The following CLIC6 variants were observed in gnomAD, a reference collection of about 807,000 sequenced individuals.
CLIC6 encodes CLIC family member 6.
A neutral mutation model predicts 49.2 loss-of-function variants in CLIC6; 39 were observed. That is an observed-to-expected ratio of 0.79 (90% CI 0.61 to 1.04). The LOEUF (loss-of-function observed/expected upper bound fraction) is 1.04. Among genes scored for constraint, CLIC6 ranks in the 50% least tolerant of loss-of-function variants. The probability of loss-of-function intolerance (pLI) is 0.00; values close to 1 mark genes in which losing one functional copy is unlikely to be tolerated. For missense variants in CLIC6, 988 were observed against 993.1 expected, an observed-to-expected ratio of 0.99 and a Z score of 0.07; for synonymous variants, 446 against 433.4, an observed-to-expected ratio of 1.03 and a Z score of -0.36.
chr21:34,703,975 A>G (rs946738455), intron 1 of CLIC6, among the ~76,000 whole-genome samples: 1 of 152,212 alleles, frequency 6.6e-6, no homozygotes, highest in Non-Finnish European at 1.5e-5. Flanking sequence ...GACACTCTAC[A>G]TTCTCAAACT....
intron 5 of CLIC6, among the ~76,000 whole-genome samples, chr21:34,715,891 G>T (rs1429581247): frequency 6.6e-6 from 1 of 152,252 alleles, no homozygotes; most frequent in African/African-American, 2.4e-5. Context: ...GACTGGAGAA[G>T]TGAGGTTCAG....
chr21:34,704,234 T>C (rs2055999107), intron 1 of CLIC6, among the ~76,000 whole-genome samples: 1 of 152,212 alleles, frequency 6.6e-6, no homozygotes, highest in Non-Finnish European at 1.5e-5. Flanking sequence ...CCTCTCCCAT[T>C]ATTGCTCAAT....
intron 1 of CLIC6, among the ~76,000 whole-genome samples, chr21:34,703,148 C>T (rs922324203): frequency 3.3e-5 from 5 of 152,172 alleles, no homozygotes; most frequent in African/African-American, 1.2e-4. Flanking sequence ...GGATGCATTT[C>T]CTGCCTCCTC....
chr21:34,714,692 CAAAAAAA>C (rs77701951), intron 5 of CLIC6, among the ~76,000 whole-genome samples: 2 of 85,834 alleles, frequency 2.3e-5, no homozygotes, highest in African/African-American at 4.1e-5. Flanking sequence ...CTCAAAAAAA[CAAAAAAA>C]AAAAAAAAAA....
At chr21:34,686,391 A>T (rs1989879184) in intron 1 of CLIC6, among the ~76,000 whole-genome samples, 1 of 152,098 alleles carries the variant, frequency 6.6e-6, no homozygotes, top group Non-Finnish European at 1.5e-5. Context: ...ACAGAGTGAG[A>T]CTCTGTGTCA....
At chr21:34,675,552 A>G (rs1467272984) in intron 1 of CLIC6, among the ~76,000 whole-genome samples, 1 of 152,186 alleles carries the variant, frequency 6.6e-6, no homozygotes, top group Non-Finnish European at 1.5e-5. Flanking sequence ...TTATTGTCTT[A>G]GAAAACCTGC....
At chr21:34,673,879 T>A (rs979360344) in intron 1 of CLIC6, among the ~76,000 whole-genome samples, 1 of 152,146 alleles carries the variant, frequency 6.6e-6, no homozygotes, top group African/African-American at 2.4e-5. Context: ...TGGGCTCAGT[T>A]TTGTCTGGGT....
intron 1 of CLIC6, among the ~76,000 whole-genome samples, chr21:34,691,850 G>T (rs1282106261): frequency 6.6e-6 from 1 of 152,170 alleles, no homozygotes; most frequent in African/African-American, 2.4e-5. Flanking sequence ...GGTGGCTCTT[G>T]TTCTTTTTGC....
At chr21:34,687,821 C>T (rs1989909462) in intron 1 of CLIC6, among the ~76,000 whole-genome samples, 2 of 152,088 alleles carry the variant, frequency 1.3e-5, no homozygotes, top group East Asian at 1.9e-4. Context: ...TATTTCTTAG[C>T]ATCTAAATGT....
Position 34,718,038 on chromosome 21 carries a change from T to G in CLIC6, c.*1556T>G, listed in dbSNP as rs1054309819. 1 of 152,650 alleles carries G rather than the reference T, an allele frequency of 6.6e-6. No individual in the cohort carries two copies. The highest frequency in any genetic ancestry group is 1.5e-5 in the Non-Finnish European group (1 of 68,036). The allele number at this position is 152,650 out of a possible 1,614,324, so 9.5% of individuals were successfully genotyped here. A position where few individuals can be genotyped will look rare whatever the true frequency, so the allele number is the denominator to read the frequency against. On this transcript the variant is annotated 3_prime_UTR_variant, in exon 6 of 6. Coordinates refer to ENST00000349499, the MANE Select transcript of CLIC6 (RefSeq NM_053277.3). ...CTAGCACATGTCACCCTTGTCCACG[T>G]TGTTTCACATCTGGTTAGGGGGCAG...
At chr21:34,678,742 G>A (rs1344988589) in intron 1 of CLIC6, among the ~76,000 whole-genome samples, 3 of 152,098 alleles carry the variant, frequency 2.0e-5, no homozygotes, top group Non-Finnish European at 4.4e-5. Context: ...ACATATTTAT[G>A]TAGTCCATGG....
At chr21:34,698,335 A>G (rs138824955) in intron 1 of CLIC6, among the ~76,000 whole-genome samples, 1 of 152,056 alleles carries the variant, frequency 6.6e-6, no homozygotes, top group East Asian at 1.9e-4. Context: ...ACAGGAAACA[A>G]TTAGTAACCA....
Position 34,670,457 on chromosome 21 carries a change from G to C in CLIC6, c.1069G>C (p.Asp357His), listed in dbSNP as rs1309434223. 7 of 1,477,388 alleles carry C rather than the reference G, an allele frequency of 4.7e-6. No individual in the cohort carries two copies. The Admixed American group carries it at 1.8e-4, about 39-fold the overall frequency. 91.5% of individuals were successfully genotyped at this position (1,477,388 alleles called of 1,614,324 possible). Residue 357 changes from aspartate (D) to histidine (H), a missense_variant, in exon 1 of 6, where the codon GAC becomes CAC. Around this residue, in one of 3 missense-constraint regions of CLIC6, gnomAD observed 647 missense variants for 596.9 expected, o/e 1.08. Coordinates refer to ENST00000349499, the MANE Select transcript of CLIC6 (RefSeq NM_053277.3). ...PGDARADAGE[D>H]RVGDGPQQEP... ...GGACGCAAGGGCAGACGCTGGCGAG[G>C]ACAGGGTAGGGGATGGGCCACAGCA...
rs1014216477 is a variant in CLIC6 at position 34,669,623 on chromosome 21, G to A, written c.235G>A (p.Ala79Thr). 26 of 1,282,154 alleles carry A rather than the reference G, an allele frequency of 2.0e-5. No individual in the cohort carries two copies. The highest frequency in any genetic ancestry group is 2.5e-5 in the Non-Finnish European group (25 of 1,017,694). The allele number at this position is 1,282,154 out of a possible 1,614,324, so 79.4% of individuals were successfully genotyped here. Residue 79 changes from alanine (A) to threonine (T), a missense_variant, in exon 1 of 6, where the codon GCG becomes ACG. Physicochemically the swap from Ala to Thr is moderately conservative, Grantham distance 58. Around this residue, in one of 3 missense-constraint regions of CLIC6, gnomAD observed 284 missense variants for 278.6 expected, o/e 1.02. Transcript: ENST00000349499. ...GGCCGAGGCGCGGGGCACGAGGGGGGCGCACGGCGAGACTGAGGCCGAGGA... is the reference window on the plus strand; with the variant it reads ...GGCCGAGGCGCGGGGCACGAGGGGGACGCACGGCGAGACTGAGGCCGAGGA... ...PEAEARGTRG[A>T]HGETEAEEGA...
intron 1 of CLIC6, among the ~76,000 whole-genome samples, chr21:34,687,074 C>T (rs951934458): frequency 1.3e-5 from 2 of 152,156 alleles, no homozygotes; most frequent in African/African-American, 4.8e-5. Flanking sequence ...CAATTGGTGA[C>T]TGGGATATGC....
Position 34,670,548 on chromosome 21 carries a change from C to T in CLIC6, c.1160C>T (p.Ala387Val). The change falls in exon 1 of 6, where the codon GCG becomes GTG. Residue 387 changes from alanine to valine, a missense_variant. Ala to Val is a moderately conservative substitution (Grantham distance 64). Coordinates refer to ENST00000349499, the MANE Select transcript of CLIC6 (RefSeq NM_053277.3). ...GAGGGGCCAAGGGAGGAGGAAGCAG[C>T]GGGGGGCGAAGAGGAATCCCCCGAC... The part of the protein sequence containing the change: ...SPEGPREEEA[A>V]GGEEESPDSS... 3.3e-6 allele frequency: 5 copies of T among 1,498,366 alleles called. No individual in the cohort carries two copies. In the South Asian group the frequency reaches 4.0e-5, roughly 12 times the overall value. The allele number at this position is 1,498,366 out of a possible 1,614,324, so 92.8% of individuals were successfully genotyped here. A position where few individuals can be genotyped will look rare whatever the true frequency, so the allele number is the denominator to read the frequency against.
At chr21:34,701,637 T>C (rs1193977432) in intron 1 of CLIC6, among the ~76,000 whole-genome samples, 1 of 152,062 alleles carries the variant, frequency 6.6e-6, no homozygotes, top group African/African-American at 2.4e-5. Context: ...AATTAGTAAG[T>C]AGGGGGCCAA....
At chr21:34,675,118 T>TA (rs958723050) in intron 1 of CLIC6, among the ~76,000 whole-genome samples, 8 of 152,030 alleles carry the variant, frequency 5.3e-5, no homozygotes, top group Admixed American at 2.6e-4. Context: ...ATTGCTGAGC[T>TA]AAAAAAACTT....
At chr21:34,700,400 T>C (rs1990166042) in intron 1 of CLIC6, among the ~76,000 whole-genome samples, 1 of 126,154 alleles carries the variant, frequency 7.9e-6, no homozygotes. Flanking sequence ...TGAGCCGAGA[T>C]CGCGCCACCG....
Sources: allele counts gnomAD v4.1 joint callset (sites outside exome capture counted in the v4.1 genomes callset), GRCh38; gene constraint gnomAD v4.1.1; regional missense constraint gnomAD v4.1.1; transcripts MANE v1.5; gene names NCBI Gene and HGNC (gene_info 2026-07-23, HGNC 2026-07-21).